Variants in NKD1 observed in about 807,000 individuals in gnomAD.
NKD1 encodes NKD inhibitor of Wnt signaling pathway 1.
NKD1 carries 21 observed loss-of-function variants against 56.0 expected under a neutral mutation model. The observed-to-expected ratio is 0.38, with a 90% CI of 0.27 to 0.54. The LOEUF (loss-of-function observed/expected upper bound fraction) is 0.54, where lower values mean the gene tolerates loss of function less well. NKD1 is among the 20% of genes least tolerant of loss of function. The pLI is 0.82. For missense variants in NKD1, 578 were observed against 642.7 expected (o/e 0.90, Z 1.09); for synonymous variants, 263 against 265.7 (o/e 0.99, Z 0.10).
intron 3 of NKD1, 130 bp downstream of exon 3, chr16:50,549,685 G>GC: frequency 1.1e-6 from 1 of 938,036 alleles, no homozygotes; most frequent in Non-Finnish European, 1.5e-6. Flanking sequence ...CTTCTCAGCT[G>GC]CCCCCTGCCC....
chr16:50,581,219 A>G (rs894989241), intron 3 of NKD1, among the ~76,000 whole-genome samples: 3 of 152,232 alleles, frequency 2.0e-5, no homozygotes, highest in African/African-American at 7.2e-5. Flanking sequence ...TTCTGGGGAA[A>G]AAAAGATTCT....
intron 4 of NKD1, among the ~76,000 whole-genome samples, chr16:50,617,836 G>C (rs1360692781): frequency 6.6e-6 from 1 of 152,242 alleles, no homozygotes; most frequent in Non-Finnish European, 1.5e-5. Context: ...TCTGTGCCCT[G>C]CTCATCAAGC....
chr16:50,561,789 GA>G (rs1219635773), intron 3 of NKD1, among the ~76,000 whole-genome samples: 1 of 152,226 alleles, frequency 6.6e-6, no homozygotes, highest in African/African-American at 2.4e-5. Flanking sequence ...TTAGGGGAAG[GA>G]ACTACACAGG....
rs1427420912 is a variant in NKD1 at position 50,549,695 on chromosome 16, C to G, written c.192+140C>G. ...AATCTCTTCTCAGCTGCCCCCTGCCCCACCAACGCGACCCTCTGCCCGCAT... is the reference window on the plus strand; with the variant it reads ...AATCTCTTCTCAGCTGCCCCCTGCCGCACCAACGCGACCCTCTGCCCGCAT... On this transcript the variant is annotated intron_variant, in intron 3 of 9. Coordinates refer to ENST00000268459, the MANE Select transcript of NKD1 (RefSeq NM_033119.5). 4.6e-6 allele frequency: 4 copies of G among 878,366 alleles called. No homozygotes were observed. The South Asian group carries it at 7.7e-5, about 17-fold the overall frequency. The allele number at this position is 878,366 out of a possible 1,614,324, so 54.4% of individuals were successfully genotyped here. A position where few individuals can be genotyped will look rare whatever the true frequency, so the allele number is the denominator to read the frequency against.
chr16:50,571,662 A>G (rs534720468), intron 3 of NKD1: 32 of 328,804 alleles, frequency 9.7e-5, no homozygotes, highest in Non-Finnish European at 1.3e-4. Context: ...TCGTCAATCT[A>G]TGACTCTGTG....
At chr16:50,609,592 C>T (rs1038180406) in intron 4 of NKD1, among the ~76,000 whole-genome samples, 13 of 152,138 alleles carry the variant, frequency 8.5e-5, no homozygotes, top group East Asian at 1.9e-4. Flanking sequence ...ACCTGAGGAC[C>T]GTGGCCACAT....
Position 50,637,168 on chromosome 16 carries a change from T to C in NKD1, c.*3387T>C, listed in dbSNP as rs1305058643. 6.6e-6 allele frequency: 1 copy of C among 152,220 alleles called. No homozygotes were observed. The highest frequency in any genetic ancestry group is 1.5e-5 in the Non-Finnish European group (1 of 68,070). The allele number at this position is 152,220 out of a possible 1,614,324, so 9.4% of individuals were successfully genotyped here. On this transcript the variant is annotated 3_prime_UTR_variant, in exon 10 of 10. Transcript: ENST00000268459. ...GAGTCCTTGCATACAGCTCTCCCGGTGCCCACAGGCAGGAACACAGGCGAC... is the reference window on the plus strand; with the variant it reads ...GAGTCCTTGCATACAGCTCTCCCGGCGCCCACAGGCAGGAACACAGGCGAC...
intron 4 of NKD1, among the ~76,000 whole-genome samples, chr16:50,612,054 C>T (rs960430420): frequency 2.6e-5 from 4 of 152,158 alleles, no homozygotes; most frequent in Non-Finnish European, 5.9e-5. Context: ...AAGGCCTCCC[C>T]GTACTCCTGG....
intron 3 of NKD1, among the ~76,000 whole-genome samples, chr16:50,604,202 C>A (rs971539212): frequency 6.6e-6 from 1 of 152,226 alleles, no homozygotes; most frequent in Non-Finnish European, 1.5e-5. Context: ...CAGGCTCTGG[C>A]ACTTACTAGC....
At chr16:50,608,519 G>T in intron 4 of NKD1, 159 bp downstream of exon 4, 1 of 671,604 alleles carries the variant, frequency 1.5e-6, no homozygotes, top group East Asian at 2.6e-5. Flanking sequence ...TGGGATGGAG[G>T]AGAGGAGTAA....
chr16:50,627,836 C>G (rs557256778), intron 6 of NKD1, among the ~76,000 whole-genome samples: 1 of 152,208 alleles, frequency 6.6e-6, no homozygotes, highest in East Asian at 1.9e-4. Context: ...GGACCACCCC[C>G]ATCCTGATCA....
At chr16:50,562,890 A>G (rs968455244) in intron 3 of NKD1, among the ~76,000 whole-genome samples, 2 of 150,754 alleles carry the variant, frequency 1.3e-5, no homozygotes. Flanking sequence ...CCACATCCCC[A>G]TAACTGTGGC....
At chr16:50,548,678 G>C in intron 1 of NKD1, 39 bp from the exon 2 acceptor site, 1 of 1,462,182 alleles carries the variant, frequency 6.8e-7, no homozygotes, top group Non-Finnish European at 9.0e-7. Context: ...CCGCCGCCGC[G>C]GCTGCCGCCG....
chr16:50,638,084 C>T lies in NKD1; in HGVS notation c.*4303C>T, dbSNP rs1031072162. On this transcript the variant is annotated 3_prime_UTR_variant, in exon 10 of 10. Transcript: ENST00000268459. ...AGCCCCGTTTTCTCAGTGTTTAGAC[C>T]TCGAATTATTACTGGGCTAGAGGGA... 2.0e-5 allele frequency: 3 copies of T among 152,168 alleles called. No individual in the cohort carries two copies. Among genetic ancestry groups the T allele is most frequent in the Admixed American group, 2.0e-4 (3 of 15,268 alleles). The allele number at this position is 152,168 out of a possible 1,614,324, so 9.4% of individuals were successfully genotyped here.
chr16:50,631,589 A>C (rs1050396062), intron 8 of NKD1, among the ~76,000 whole-genome samples: 1 of 152,324 alleles, frequency 6.6e-6, no homozygotes, highest in East Asian at 1.9e-4. Context: ...GCTGAGAATC[A>C]GAGGGACCCA....
intron 3 of NKD1, among the ~76,000 whole-genome samples, chr16:50,587,403 G>A (rs1028830967): frequency 6.6e-6 from 1 of 152,146 alleles, no homozygotes; most frequent in African/African-American, 2.4e-5. Context: ...GAAAATAGTA[G>A]AATCGTCACC....
In NKD1 at chr16:50,589,694, TTTCTCTTCTCTTCTC is replaced by T. The variant is rs58760004; in HGVS notation, c.193-18543_193-18529del. On this transcript the variant is annotated intron_variant, in intron 3 of 9. Transcript: ENST00000268459. ...GCCTTTGCTGAATGCTTTCTTTTCT[TTTCTCTTCTCTTCTC>T]TTCTCTTCTCTTCTCTTCTCTTCTC... is the stretch of plus-strand genomic sequence containing the variant. Among the ~76,000 whole-genome samples the T allele has an allele frequency of 6.1e-3, 741 of 120,634 alleles. 92 individuals carry two copies. The highest frequency in any genetic ancestry group is 0.013 in the Middle Eastern group (3 of 238). 79.1% of individuals were successfully genotyped at this position (120,634 alleles called of 152,430 possible).
chr16:50,559,510 G>A (rs990295205), intron 3 of NKD1, among the ~76,000 whole-genome samples: 4 of 152,076 alleles, frequency 2.6e-5, no homozygotes, highest in Non-Finnish European at 5.9e-5. Context: ...CCTCCTTCTC[G>A]GTGTCTGACT....
intron 3 of NKD1, 83 bp downstream of exon 3, chr16:50,549,638 G>A (rs1960332258): frequency 7.5e-7 from 1 of 1,337,806 alleles, no homozygotes. Context: ...CCCCAACTTT[G>A]AGCACTTTCC....
Sources: allele counts gnomAD v4.1 joint callset (sites outside exome capture counted in the v4.1 genomes callset), GRCh38; gene constraint gnomAD v4.1.1; transcripts MANE v1.5; gene names NCBI Gene and HGNC (gene_info 2026-07-23, HGNC 2026-07-21).